Variants in PTPRH observed in about 807,000 individuals in gnomAD.
The protein encoded by PTPRH is receptor-type tyrosine-protein phosphatase H.
In PTPRH, 113 loss-of-function variants were observed where a neutral mutation model predicts 130.2. The ratio of observed to expected loss-of-function variants is 0.87; its 90% confidence interval spans 0.75 to 1.01. The LOEUF (loss-of-function observed/expected upper bound fraction) is 1.01. Among genes scored for constraint, PTPRH ranks in the 50% least tolerant of loss-of-function variants. PTPRH has a pLI of 0.00. For synonymous variants in PTPRH, 556 were observed against 577.9 expected, an observed-to-expected ratio of 0.96 and a Z score of 0.54; for missense variants, 1,430 against 1,425.0, an observed-to-expected ratio of 1.00 and a Z score of -0.06.
chr19:55,201,985 A>G (rs2086876835), intron 6 of PTPRH, 71 bp downstream of exon 6: 7 of 1,579,572 alleles, frequency 4.4e-6, no homozygotes, highest in East Asian at 2.2e-5. Flanking sequence ...GGAATAGACA[A>G]TCGTCTACAT....
At position 55,198,691 on chromosome 19, in the gene PTPRH, C is replaced by T. The variant is rs368354556; in HGVS notation, c.1642G>A (p.Glu548Lys). 24 of 1,613,590 alleles carry T rather than the reference C, an allele frequency of 1.5e-5. No individual in the cohort carries two copies. The highest frequency in any genetic ancestry group is 2.7e-5 in the African/African-American group (2 of 74,902). ...GSLYHLTVWA[E>K]RNEVRGYNST... ...TTATAGCCTCTGACCTCATTCCTCT[C>T]GGCCCAGACGGTGAGGTGGTACAGG... Residue 548 changes from glutamate (E) to lysine (K), a missense_variant, in exon 8 of 20, where the codon GAG becomes AAG. Coordinates refer to ENST00000376350, the MANE Select transcript of PTPRH (RefSeq NM_002842.5).
intron 18 of PTPRH, among the ~76,000 whole-genome samples, chr19:55,183,849 C>T (rs948024135): frequency 5.3e-5 from 8 of 152,180 alleles, no homozygotes; most frequent in African/African-American, 9.7e-5. Context: ...CCCATTAGGC[C>T]GTCTCTCCCT....
chr19:55,187,546 T>G lies in PTPRH; in HGVS notation c.2533A>C (p.Asn845His). The G allele has an allele frequency of 1.2e-6, 2 of 1,612,800 alleles. No individual in the cohort carries two copies. Among genetic ancestry groups the G allele is most frequent in the South Asian group, 2.2e-5 (2 of 91,010 alleles). Residue 845 changes from asparagine to histidine, a missense_variant, in exon 14 of 20, where the codon AAC becomes CAC. Physicochemically the swap from Asn to His is moderately conservative, Grantham distance 68. Coordinates refer to ENST00000376350, the MANE Select transcript of PTPRH (RefSeq NM_002842.5). ...SQMVASASENNAKNRYRNVLP... is the reference protein window; with the variant it reads ...SQMVASASENHAKNRYRNVLP... ...ACATTTCTGTAGCGGTTCTTGGCGT[T>G]GTTCTCTGAAGCCGAAGCCACCATC... is the stretch of plus-strand genomic sequence containing the variant.
intron 12 of PTPRH, among the ~76,000 whole-genome samples, chr19:55,190,102 G>A (rs1334295698): frequency 6.6e-6 from 1 of 152,050 alleles, no homozygotes; most frequent in Non-Finnish European, 1.5e-5. Context: ...CAGGGGCTGT[G>A]GCTCACGCCG....
chr19:55,190,431 T>C (rs1312448579), intron 12 of PTPRH, among the ~76,000 whole-genome samples: 1 of 146,074 alleles, frequency 6.8e-6, no homozygotes, highest in Non-Finnish European at 1.5e-5. Flanking sequence ...CCTTTTGCCT[T>C]GTCTCCAAGT....
In PTPRH at chr19:55,205,331, G is replaced by A. The variant is rs756836506; in HGVS notation, c.614C>T (p.Thr205Ile). 10 of 1,614,210 alleles carry A rather than the reference G, an allele frequency of 6.2e-6. No homozygotes were observed. Among genetic ancestry groups the A allele is most frequent in the African/African-American group, 1.3e-5 (1 of 75,058 alleles). The change falls in exon 4 of 20, where the codon ACC becomes ATC. Residue 205 changes from threonine (T) to isoleucine (I), a missense_variant. Thr to Ile is a moderately conservative substitution (Grantham distance 89). Coordinates refer to ENST00000376350, the MANE Select transcript of PTPRH (RefSeq NM_002842.5). Reference protein sequence around the residue: ...INSSRETRNATTAHNPVRNLR... With the variant: ...INSSRETRNAITAHNPVRNLR... ...AAATGGCGACTGCCTCTCACCTGTG[G>A]TGGCATTTCGAGTCTCCCGGGAGCT... is the stretch of plus-strand genomic sequence containing the variant.
At position 55,196,385 on chromosome 19, in the gene PTPRH, T is replaced by C. The variant is rs774589043; in HGVS notation, c.2257+137A>G. 450 of 1,212,756 alleles carry C rather than the reference T, an allele frequency of 3.7e-4. 1 individual carries two copies. Among genetic ancestry groups the C allele is most frequent in the Middle Eastern group, 1.5e-3 (5 of 3,436 alleles). 75.1% of individuals were successfully genotyped at this position (1,212,756 alleles called of 1,614,324 possible). A position where few individuals can be genotyped will look rare whatever the true frequency, so the allele number is the denominator to read the frequency against. ...CCTGGACAAGAAGAGCAAAACTCCA[T>C]CTCAAAATACAAAATAAAAAAGATG... On this transcript the variant is annotated intron_variant, in intron 10 of 19. Transcript: ENST00000376350.
intron 10 of PTPRH, chr19:55,192,140 C>T (rs1031811834): frequency 1.9e-5 from 7 of 362,950 alleles, no homozygotes; most frequent in African/African-American, 8.5e-5. Flanking sequence ...CGGTGGCTTA[C>T]GCCTGTAATC....
intron 6 of PTPRH, among the ~76,000 whole-genome samples, chr19:55,201,790 C>T (rs991406265): frequency 6.6e-6 from 1 of 152,224 alleles, no homozygotes; most frequent in Non-Finnish European, 1.5e-5. Flanking sequence ...CCTACACATT[C>T]CTCTTGGTGC....
intron 18 of PTPRH, among the ~76,000 whole-genome samples, chr19:55,183,134 G>A (rs1470179424): frequency 7.1e-6 from 1 of 141,836 alleles, no homozygotes; most frequent in Non-Finnish European, 1.6e-5. Context: ...AGTGGCTCAC[G>A]CCTGTAATCC....
In PTPRH at chr19:55,209,167, G is replaced by A. The variant is rs991991997; in HGVS notation, c.51+216C>T. 6.6e-5 allele frequency among the ~76,000 whole-genome samples: 10 copies of A among 152,024 alleles called. No individual in the cohort carries two copies. The highest frequency in any genetic ancestry group is 2.1e-4 in the South Asian group (1 of 4,812). On this transcript the variant is annotated intron_variant, in intron 1 of 19. Coordinates refer to ENST00000376350, the MANE Select transcript of PTPRH (RefSeq NM_002842.5). The surrounding 1 kb of genome is among the most constrained non-coding windows in gnomAD (Gnocchi z 4.1). Reference sequence around the variant, plus strand: ...CAGACACGACAATGTCTAAGGGCCCGGGTGAAGCTGGTGTCCCCCGCAGCA... The same window carrying A: ...CAGACACGACAATGTCTAAGGGCCCAGGTGAAGCTGGTGTCCCCCGCAGCA...
In PTPRH at chr19:55,185,962, G is replaced by A. The variant is rs772737216; in HGVS notation, c.2801C>T (p.Pro934Leu). ...AGRVKCEHYW[P>L]LDSQPCTHGH... ...ATGGGTGCAGGGCTGCGAGTCCAGA[G>A]GCCAGTAATGCTCACACTTCACCTG... The change falls in exon 17 of 20, where the codon CCT (proline) becomes CTT (leucine). Residue 934 changes from proline to leucine, a missense_variant. Coordinates refer to ENST00000376350, the MANE Select transcript of PTPRH (RefSeq NM_002842.5). The A allele has an allele frequency of 6.2e-7, 1 of 1,614,000 alleles. No homozygotes were observed. The highest frequency in any genetic ancestry group is 1.1e-5 in the South Asian group (1 of 91,080).
At chr19:55,194,102 G>C (rs148106430) in intron 10 of PTPRH, 1 of 1,222,088 alleles carries the variant, frequency 8.2e-7, no homozygotes, top group Admixed American at 2.4e-5. Flanking sequence ...CTCCCGCCTC[G>C]GCCTCCCAAA....
Position 55,187,323 on chromosome 19 carries a change from T to A in PTPRH, c.2566+190A>T, listed in dbSNP as rs375590430. On this transcript the variant is annotated intron_variant, in intron 14 of 19. Coordinates refer to ENST00000376350, the MANE Select transcript of PTPRH (RefSeq NM_002842.5). The stretch of plus-strand genomic sequence containing the variant: ...TCGCGCCACTGCACTCCAGCCTGGG[T>A]GACAGAGCGAGACTCCGTCTCAAAA... Among the ~76,000 whole-genome samples the A allele has an allele frequency of 8.2e-5, 8 of 97,270 alleles. No homozygotes were observed. The South Asian group carries it at 1.1e-3, about 13-fold the overall frequency. The allele number at this position is 97,270 out of a possible 152,430, so 63.8% of individuals were successfully genotyped here. A position where few individuals can be genotyped will look rare whatever the true frequency, so the allele number is the denominator to read the frequency against.
At chr19:55,181,995 G>A (rs761549952) in intron 19 of PTPRH, 21 bp downstream of exon 19, 1 of 1,614,088 alleles carries the variant, frequency 6.2e-7, no homozygotes, top group Non-Finnish European at 8.5e-7. Flanking sequence ...CCCGTCCTGT[G>A]TTGCTGAGGG....
chr19:55,204,786 G>A (rs1256767672), intron 4 of PTPRH, among the ~76,000 whole-genome samples: 7 of 152,196 alleles, frequency 4.6e-5, no homozygotes, highest in Non-Finnish European at 8.8e-5. Flanking sequence ...GGAAATGGAA[G>A]CCCTTCAACA....
chr19:55,207,074 C>A, intron 2 of PTPRH, 92 bp downstream of exon 2: 1 of 1,583,256 alleles, frequency 6.3e-7, no homozygotes, highest in Non-Finnish European at 8.6e-7. Context: ...CTACCATGGA[C>A]CACTGGACCC....
intron 16 of PTPRH, 47 bp downstream of exon 16, chr19:55,186,178 G>A: frequency 6.3e-7 from 1 of 1,585,082 alleles, no homozygotes; most frequent in South Asian, 1.2e-5. Flanking sequence ...TGAGTGTTCG[G>A]GGCGGGGTCC....
At chr19:55,194,355 G>A (rs1568906236) in intron 10 of PTPRH, 1 of 1,231,342 alleles carries the variant, frequency 8.1e-7, no homozygotes, top group Non-Finnish European at 1.0e-6. Context: ...CTGTACGGGA[G>A]ACTTGGCCTC....
Sources: gnomAD v4.1 joint callset for allele counts (sites outside exome capture counted in the v4.1 genomes callset) on GRCh38, gnomAD v4.1.1 for gene constraint, Gnocchi (gnomAD v3.1) non-coding constraint, MANE v1.5 for transcripts, NCBI Gene and HGNC (gene_info 2026-07-23, HGNC 2026-07-21) for gene names.